The following ARL5A variants were observed in gnomAD, a reference collection of about 807,000 sequenced individuals.
The protein encoded by ARL5A is ARF like GTPase 5A.
Under a neutral mutation model 25.9 loss-of-function variants are expected in ARL5A, and 18 were observed. That is an observed-to-expected ratio of 0.69 (90% CI 0.48 to 1.03). The LOEUF (loss-of-function observed/expected upper bound fraction) is 1.03. Ranked by LOEUF, ARL5A falls within the 50% of genes least tolerant of loss-of-function variation. ARL5A has a pLI of 0.00. For missense variants in ARL5A, 170 were observed against 211.9 expected (o/e 0.80, Z 1.23); for synonymous variants, 61 against 67.5 (o/e 0.90, Z 0.47).
chr2:151,813,461 A>G (rs748355596), intron 3 of ARL5A, among the ~76,000 whole-genome samples: 9 of 152,232 alleles, frequency 5.9e-5, no homozygotes, highest in Non-Finnish European at 1.2e-4. Flanking sequence ...ATACCTTTAT[A>G]ATCATACATA....
intron 4 of ARL5A, among the ~76,000 whole-genome samples, chr2:151,810,950 AAAAC>A (rs1462658908): frequency 1.3e-5 from 2 of 152,234 alleles, no homozygotes; most frequent in African/African-American, 2.4e-5. Flanking sequence ...AAAAGAAAAA[AAAAC>A]AAACAAAAAA....
At chr2:151,819,591 T>C (rs1421902474) in intron 1 of ARL5A, among the ~76,000 whole-genome samples, 1 of 152,196 alleles carries the variant, frequency 6.6e-6, no homozygotes, top group Non-Finnish European at 1.5e-5. Context: ...CCTAAAATGA[T>C]AGCTTTAAAG....
At position 151,799,215 on chromosome 2, in the gene ARL5A, G is replaced by A. The variant is rs1237778621; in HGVS notation, c.*4061C>T. 1 of 152,082 alleles carries A rather than the reference G, an allele frequency of 6.6e-6. No homozygotes were observed. Among genetic ancestry groups the A allele is most frequent in the Admixed American group, 6.6e-5 (1 of 15,256 alleles). 9.4% of individuals were successfully genotyped at this position (152,082 alleles called of 1,614,324 possible). ...GCTTCAAAGACATATTTCTCTATCT[G>A]CATTTACAGTCAATGCATGACAAGT... On this transcript the variant is annotated 3_prime_UTR_variant, in exon 6 of 6. Coordinates refer to ENST00000295087, the MANE Select transcript of ARL5A (RefSeq NM_012097.4).
At chr2:151,815,092 A>C (rs1211055114) in intron 2 of ARL5A, 47 bp downstream of exon 2, 1 of 1,457,758 alleles carries the variant, frequency 6.9e-7, no homozygotes. Flanking sequence ...ACCCAGGCCA[A>C]AAAAGTAACT....
At chr2:151,805,544 G>C in intron 5 of ARL5A, among the ~76,000 whole-genome samples, 1 of 152,138 alleles carries the variant, frequency 6.6e-6, no homozygotes, top group East Asian at 1.9e-4. Flanking sequence ...AAATGTGTCA[G>C]GTGATTTCAT....
intron 5 of ARL5A, 65 bp downstream of exon 5, chr2:151,806,756 A>C: frequency 6.7e-7 from 1 of 1,483,178 alleles, no homozygotes; most frequent in Non-Finnish European, 9.1e-7. Flanking sequence ...TAGGAGTTTA[A>C]AGAAGATATA....
intron 1 of ARL5A, among the ~76,000 whole-genome samples, chr2:151,818,562 C>CCA (rs1461848653): frequency 1.3e-5 from 2 of 152,224 alleles, no homozygotes; most frequent in African/African-American, 4.8e-5. Context: ...CAGGTGCAAG[C>CCA]CACTGTACCT....
intron 4 of ARL5A, among the ~76,000 whole-genome samples, chr2:151,808,187 C>G (rs968498923): frequency 6.6e-6 from 1 of 152,162 alleles, no homozygotes; most frequent in Non-Finnish European, 1.5e-5. Flanking sequence ...GCAAGTGAAA[C>G]CCTCATAAAA....
chr2:151,805,740 T>C (rs1300065332), intron 5 of ARL5A, among the ~76,000 whole-genome samples: 1 of 152,108 alleles, frequency 6.6e-6, no homozygotes. Flanking sequence ...TATCTAAAAA[T>C]AGAACAGTTA....
In ARL5A at chr2:151,814,228, C is replaced by T; in HGVS notation, c.196G>A (p.Asp66Asn). Residue 66 changes from aspartate (D) to asparagine (N), a missense_variant, in exon 3 of 6, where the codon GAT becomes AAT. Asp to Asn is a conservative substitution (Grantham distance 23). Coordinates refer to ENST00000295087, the MANE Select transcript of ARL5A (RefSeq NM_012097.4). The stretch of plus-strand genomic sequence containing the variant: ...CGAAGAGATTCTTGGCCACCAATAT[C>T]CCACATTAGGAAACGTGTATTATTA... ...VINNTRFLMW[D>N]IGGQESLRSS... is the part of the protein sequence containing the mutation. 6.2e-7 allele frequency: 1 copy of T among 1,608,330 alleles called. No homozygotes were observed. The highest frequency in any genetic ancestry group is 8.5e-7 in the Non-Finnish European group (1 of 1,178,014).
intron 4 of ARL5A, among the ~76,000 whole-genome samples, chr2:151,808,756 A>G (rs2099830439): frequency 6.6e-6 from 1 of 152,148 alleles, no homozygotes; most frequent in Non-Finnish European, 1.5e-5. Flanking sequence ...AGAAAATGAA[A>G]CCATTCATCA....
chr2:151,805,851 T>C lies in ARL5A; in HGVS notation c.491+970A>G, dbSNP rs2099830033. 2.0e-5 allele frequency among the ~76,000 whole-genome samples: 3 copies of C among 152,288 alleles called. No homozygotes were observed. The Middle Eastern group carries it at 0.01, about 518-fold the overall frequency. On this transcript the variant is annotated intron_variant, in intron 5 of 5. Transcript: ENST00000295087. ...TAGGGTGCATGACTATATATACAGATGCACCATATTTTGGAAAAACAGCAA... is the reference window on the plus strand; with the variant it reads ...TAGGGTGCATGACTATATATACAGACGCACCATATTTTGGAAAAACAGCAA...
Position 151,803,139 on chromosome 2 carries a change from T to A in ARL5A, c.*137A>T, listed in dbSNP as rs916619108. The A allele has an allele frequency of 8.2e-5, 47 of 573,096 alleles. No homozygotes were observed. The highest frequency in any genetic ancestry group is 1.3e-4 in the Non-Finnish European group (42 of 328,886). 35.5% of individuals were successfully genotyped at this position (573,096 alleles called of 1,614,324 possible). On this transcript the variant is annotated 3_prime_UTR_variant, in exon 6 of 6. Coordinates refer to ENST00000295087, the MANE Select transcript of ARL5A (RefSeq NM_012097.4). ...GACTTCATCTTTGTTTTCAAATAAGTGGTCTTAATTTTTCTTCTTATAGAA... is the reference window on the plus strand; with the variant it reads ...GACTTCATCTTTGTTTTCAAATAAGAGGTCTTAATTTTTCTTCTTATAGAA...
intron 4 of ARL5A, 96 bp downstream of exon 4, chr2:151,812,261 A>AT (rs1402777475): frequency 1.3e-6 from 1 of 777,768 alleles, no homozygotes; most frequent in Admixed American, 3.2e-5. Context: ...ATTTTTAAAA[A>AT]TTTGAAATTG....
chr2:151,827,747 G>C (rs1046617446), intron 1 of ARL5A: 2 of 217,462 alleles, frequency 9.2e-6, no homozygotes, highest in Non-Finnish European at 1.8e-5. Flanking sequence ...CATTCCAGAA[G>C]ACCCCAGCAC....
chr2:151,814,498 T>C (rs893702831), intron 2 of ARL5A, among the ~76,000 whole-genome samples, 182 bp from the exon 3 acceptor site: 3 of 152,164 alleles, frequency 2.0e-5, no homozygotes, highest in African/African-American at 7.2e-5. Context: ...GTAGGCTATC[T>C]GGCATATACT....
At chr2:151,825,829 A>C (rs549917823) in intron 1 of ARL5A, among the ~76,000 whole-genome samples, 8 of 152,150 alleles carry the variant, frequency 5.3e-5, no homozygotes, top group African/African-American at 1.9e-4. Flanking sequence ...TACAGAAAAA[A>C]AAAAAAACAA....
At chr2:151,815,516 A>AT (rs1347598834) in intron 1 of ARL5A, among the ~76,000 whole-genome samples, 1 of 152,228 alleles carries the variant, frequency 6.6e-6, no homozygotes, top group Non-Finnish European at 1.5e-5. Context: ...CATAATCACA[A>AT]TTTACAAATG....
chr2:151,809,862 A>T (rs1184181932), intron 4 of ARL5A, among the ~76,000 whole-genome samples: 1 of 152,162 alleles, frequency 6.6e-6, no homozygotes, highest in Non-Finnish European at 1.5e-5. Flanking sequence ...CGGGCAGATC[A>T]CCTGAGGTCA....
Sources: allele counts gnomAD v4.1 joint callset (sites outside exome capture counted in the v4.1 genomes callset), GRCh38; gene constraint gnomAD v4.1.1; transcripts MANE v1.5; gene names NCBI Gene and HGNC (gene_info 2026-07-23, HGNC 2026-07-21).